The following KCTD16 variants were observed in gnomAD, a reference collection of about 807,000 sequenced individuals.
KCTD16 encodes the protein BTB/POZ domain-containing protein KCTD16.
In KCTD16, 13 loss-of-function variants were observed where a neutral mutation model predicts 33.2. The observed-to-expected ratio is 0.39, with a 90% CI of 0.25 to 0.62. The LOEUF (loss-of-function observed/expected upper bound fraction) is 0.62. Among genes scored for constraint, KCTD16 ranks in the 20% least tolerant of loss-of-function variants. The pLI, the probability that KCTD16 is intolerant of heterozygous loss-of-function variation, is 0.50. For synonymous variants in KCTD16, 197 were observed against 195.3 expected (o/e 1.01, Z -0.07); for missense variants, 441 against 525.1 (o/e 0.84, Z 1.57).
chr5:144,259,541 C>T (rs979181923), intron 3 of KCTD16, among the ~76,000 whole-genome samples: 4 of 152,200 alleles, frequency 2.6e-5, no homozygotes, highest in African/African-American at 9.7e-5. Context: ...ACAGTCCAAA[C>T]CTGTCTTCTT....
intron 3 of KCTD16, among the ~76,000 whole-genome samples, chr5:144,274,100 G>A (rs1446408755): frequency 1.3e-5 from 2 of 151,250 alleles, no homozygotes; most frequent in Non-Finnish European, 2.9e-5. Flanking sequence ...AATAATTTCA[G>A]GAGAATGAAT....
At chr5:144,202,846 T>C (rs1204001726) in intron 2 of KCTD16, among the ~76,000 whole-genome samples, 1 of 152,196 alleles carries the variant, frequency 6.6e-6, no homozygotes, top group African/African-American at 2.4e-5. Flanking sequence ...GTCTGGTGAA[T>C]GTTTTCCATT....
At chr5:144,198,672 T>C (rs1752981877) in intron 2 of KCTD16, among the ~76,000 whole-genome samples, 1 of 152,252 alleles carries the variant, frequency 6.6e-6, no homozygotes, top group South Asian at 2.1e-4. Context: ...CTGTTTTGAA[T>C]GAGCCAGCCT....
At chr5:144,440,535 G>GCCTAGCCATTC (rs1346024319) in intron 3 of KCTD16, among the ~76,000 whole-genome samples, 4 of 151,928 alleles carry the variant, frequency 2.6e-5, no homozygotes, top group Non-Finnish European at 5.9e-5. Flanking sequence ...TAGGTGTGAA[G>GCCTAGCCATTC]TAATATTTCA....
chr5:144,370,377 G>A (rs1337050500), intron 3 of KCTD16, among the ~76,000 whole-genome samples: 1 of 152,206 alleles, frequency 6.6e-6, no homozygotes, highest in Non-Finnish European at 1.5e-5. Flanking sequence ...TGGCCTAAAA[G>A]AGTGACTATG....
At chr5:144,375,975 C>T (rs530381459) in intron 3 of KCTD16, among the ~76,000 whole-genome samples, 46 of 152,160 alleles carry the variant, frequency 3.0e-4, no homozygotes, top group African/African-American at 1.0e-3. Context: ...AGGCACGAGC[C>T]GCTAAATCTG....
At chr5:144,204,696 G>A (rs538833255) in intron 2 of KCTD16, among the ~76,000 whole-genome samples, 3 of 152,118 alleles carry the variant, frequency 2.0e-5, no homozygotes, top group African/African-American at 7.2e-5. Context: ...CTTTCTGTGG[G>A]TGCCGGTGCT....
intron 3 of KCTD16, among the ~76,000 whole-genome samples, chr5:144,317,828 A>G (rs1751962906): frequency 6.6e-6 from 1 of 152,134 alleles, no homozygotes; most frequent in African/African-American, 2.4e-5. Flanking sequence ...CTATCATAGT[A>G]TGCATCACCT....
At chr5:144,456,462 C>T (rs1400474591) in intron 3 of KCTD16, among the ~76,000 whole-genome samples, 2 of 152,086 alleles carry the variant, frequency 1.3e-5, no homozygotes, top group African/African-American at 4.8e-5. Context: ...TCCCCCTGCC[C>T]CAACACACAC....
At chr5:144,469,717 G>A (rs1298477429) in intron 3 of KCTD16, among the ~76,000 whole-genome samples, 1 of 151,912 alleles carries the variant, frequency 6.6e-6, no homozygotes, top group Non-Finnish European at 1.5e-5. Context: ...AAATTGTGAA[G>A]TCTGACTCTG....
chr5:144,187,817 A>C (rs1752759309), intron 2 of KCTD16, among the ~76,000 whole-genome samples: 2 of 152,352 alleles, frequency 1.3e-5, no homozygotes, highest in South Asian at 4.1e-4. Context: ...TTGAGGAAAG[A>C]AGGCTATTTA....
chr5:144,301,070 G>A (rs557330576), intron 3 of KCTD16, among the ~76,000 whole-genome samples: 33 of 151,992 alleles, frequency 2.2e-4, no homozygotes, highest in African/African-American at 7.7e-4. Context: ...GTGAAACCCC[G>A]TCTCTACTAA....
intron 3 of KCTD16, among the ~76,000 whole-genome samples, chr5:144,282,252 A>G (rs1159138085): frequency 6.6e-6 from 1 of 152,176 alleles, no homozygotes; most frequent in Non-Finnish European, 1.5e-5. Flanking sequence ...ATAAAACCCA[A>G]AAGGACTGTT....
chr5:144,300,654 C>T (rs1385408560), intron 3 of KCTD16, among the ~76,000 whole-genome samples: 1 of 151,992 alleles, frequency 6.6e-6, no homozygotes, highest in Non-Finnish European at 1.5e-5. Context: ...GAAAATATGC[C>T]CCACTAGTGA....
chr5:144,383,461 T>C (rs1182431660), intron 3 of KCTD16, among the ~76,000 whole-genome samples: 1 of 151,878 alleles, frequency 6.6e-6, no homozygotes. Flanking sequence ...CTGAACTGCA[T>C]CATATGTTAA....
At chr5:144,446,787 C>T (rs895050811) in intron 3 of KCTD16, among the ~76,000 whole-genome samples, 1 of 152,008 alleles carries the variant, frequency 6.6e-6, no homozygotes, top group African/African-American at 2.4e-5. Context: ...ATTTATGCAG[C>T]CAACAAACAT....
intron 3 of KCTD16, among the ~76,000 whole-genome samples, chr5:144,267,238 C>T (rs1460841318): frequency 6.6e-6 from 1 of 152,126 alleles, no homozygotes. Context: ...TGAACCTATG[C>T]CCCACCGTAT....
chr5:144,441,843 C>T (rs1580968116), intron 3 of KCTD16, among the ~76,000 whole-genome samples: 7 of 132,416 alleles, frequency 5.3e-5, no homozygotes, highest in Admixed American at 1.5e-4. Flanking sequence ...TTAAGATCAT[C>T]TTGACAATTT....
intron 3 of KCTD16, among the ~76,000 whole-genome samples, chr5:144,248,254 C>T (rs1289520948): frequency 6.6e-6 from 1 of 152,092 alleles, no homozygotes; most frequent in Non-Finnish European, 1.5e-5. Context: ...GAGGCAATTT[C>T]AGTAAAATCT....
Sources: gnomAD v4.1 joint callset for allele counts (sites outside exome capture counted in the v4.1 genomes callset) on GRCh38, gnomAD v4.1.1 for gene constraint, MANE v1.5 for transcripts, NCBI Gene and HGNC (gene_info 2026-07-23, HGNC 2026-07-21) for gene names.